Variants in MTMR1 observed in about 807,000 individuals in gnomAD.
The protein encoded by MTMR1 is myotubularin related protein 1.
MTMR1 carries 17 observed loss-of-function variants against 51.6 expected under a neutral mutation model. The observed-to-expected ratio is 0.33, with a 90% CI of 0.23 to 0.49. MTMR1 has a LOEUF of 0.49. Ranked by LOEUF, MTMR1 falls within the 20% of genes least tolerant of loss-of-function variation. The probability of loss-of-function intolerance (pLI) is 0.99; values close to 1 mark genes in which losing one functional copy is unlikely to be tolerated. For missense variants in MTMR1, 386 were observed against 526.9 expected, an observed-to-expected ratio of 0.73 and a Z score of 2.62; for synonymous variants, 201 against 205.6, an observed-to-expected ratio of 0.98 and a Z score of 0.19.
intron 3 of MTMR1, 91 bp downstream of exon 3, chrX:150,712,456 T>C: frequency 1.1e-6 from 1 of 870,126 alleles, no homozygotes; most frequent in East Asian, 3.5e-5. Flanking sequence ...TTCTTTACCT[T>C]CTCACTGGTT....
At chrX:150,755,537 G>A (rs1269628672) in intron 14 of MTMR1, 152 bp from the exon 15 acceptor site, 1 of 423,954 alleles carries the variant, frequency 2.4e-6, no homozygotes, top group Non-Finnish European at 3.9e-6. Context: ...GAGGCCATGA[G>A]TGGGAAGAAG....
rs149714475 is a variant in MTMR1, at chrX:150,759,586, G to C, written c.1858-2979G>C. On this transcript the variant is annotated intron_variant, in intron 15 of 15. Transcript: ENST00000445323. ...TGCTGAACCAGCAGAGAGGGTTAGA[G>C]TGGTGTCCCACAGGGGTGCACCCAG... is the stretch of plus-strand genomic sequence containing the variant. Among the ~76,000 whole-genome samples, 534 of 109,558 alleles carry C rather than the reference G, an allele frequency of 4.9e-3. 10 individuals are homozygous for C. The highest frequency in any genetic ancestry group is 0.016 in the African/African-American group (506 of 30,760).
intron 2 of MTMR1, among the ~76,000 whole-genome samples, chrX:150,704,745 G>A (rs1350974178): frequency 8.9e-6 from 1 of 111,815 alleles, no homozygotes. Context: ...TCTTCTGTTG[G>A]AGCAGTGTCA....
At chrX:150,739,082 T>C (rs1486006651) in intron 12 of MTMR1, among the ~76,000 whole-genome samples, 2 of 112,353 alleles carry the variant, frequency 1.8e-5, no homozygotes, top group Non-Finnish European at 3.8e-5. Context: ...TTTCATTGGC[T>C]TTGGTGTGAG....
At chrX:150,751,910 C>CTTTTTTTTTTTTTTT (rs35937277) in intron 14 of MTMR1, among the ~76,000 whole-genome samples, 1 of 41,622 alleles carries the variant, frequency 2.4e-5, no homozygotes, top group Non-Finnish European at 4.2e-5. Flanking sequence ...CTTTTTCTTT[C>CTTTTTTTTTTTTTTT]TTTTTTTTTT....
intron 12 of MTMR1, among the ~76,000 whole-genome samples, chrX:150,743,559 G>A (rs2042495166): frequency 1.8e-5 from 2 of 111,665 alleles, no homozygotes; most frequent in Admixed American, 1.9e-4. Context: ...TTTCCAGGTG[G>A]CAATTTCATA....
At chrX:150,758,077 T>C (rs2042957937) in intron 15 of MTMR1, among the ~76,000 whole-genome samples, 1 of 111,259 alleles carries the variant, frequency 9.0e-6, no homozygotes, top group Non-Finnish European at 1.9e-5. Flanking sequence ...AATGAACGCA[T>C]GAGTGAATGA....
At chrX:150,749,409 T>C (rs1557417535) in intron 13 of MTMR1, among the ~76,000 whole-genome samples, 1 of 112,796 alleles carries the variant, frequency 8.9e-6, no homozygotes, top group Non-Finnish European at 1.9e-5. Flanking sequence ...CCAACTTAAA[T>C]ACAAGCATGC....
chrX:150,737,228 T>C lies in MTMR1; in HGVS notation c.1267-14T>C. ...TCAATGTAGCCTGGTCTAATGTGCC[T>C]TTTTTTTCTGAAGATGCTGCTTGCT... On this transcript the variant is annotated splice_polypyrimidine_tract_variant and intron_variant, in intron 11 of 15. Transcript: ENST00000445323. 8.4e-7 allele frequency: 1 copy of C among 1,197,495 alleles called. No individual in the cohort carries two copies. Among genetic ancestry groups the C allele is most frequent in the South Asian group, 1.8e-5 (1 of 56,396 alleles).
chrX:150,762,660 C>G lies in MTMR1; in HGVS notation c.1953C>G (p.Ala651=), dbSNP rs782424909. 2 of 1,206,441 alleles carry G rather than the reference C, an allele frequency of 1.7e-6. No homozygotes were observed. Among genetic ancestry groups the G allele is most frequent in the East Asian group, 6.0e-5 (2 of 33,605 alleles). ...TACAGCGGGAGGTGGCCACGCGCGC[C>G]GTCTCATCCTCATCTGAGCGGGGCT... ...EGLQREVATR[A]VSSSSERGSS... The change falls in exon 16 of 16, where the codon GCC becomes GCG. Residue 651 remains alanine, a synonymous_variant. Transcript: ENST00000445323.
At position 150,732,542 on chromosome X, in the gene MTMR1, G is replaced by C. The variant is rs868993041; in HGVS notation, c.892G>C (p.Val298Leu). The change falls in exon 10 of 16, where the codon GTG becomes CTG. Residue 298 changes from valine (V) to leucine (L), a missense_variant and splice_region_variant. By Grantham distance (32) the Val-to-Leu change is conservative (BLOSUM62 1). Coordinates refer to ENST00000445323, the MANE Select transcript of MTMR1 (RefSeq NM_001306144.3). Reference protein sequence around the residue: ...AAFRAKGRVPVLSWIHPESQA... With the variant: ...AAFRAKGRVPLLSWIHPESQA... ...AATATTTATTGCTTAAAAACACTAG[G>C]TGTTGTCATGGATTCATCCGGAAAG... is the stretch of plus-strand genomic sequence containing the variant. The C allele has an allele frequency of 4.2e-6, 5 of 1,202,112 alleles. No homozygotes were observed. The highest frequency in any genetic ancestry group is 5.6e-6 in the Non-Finnish European group (5 of 890,581).
intron 2 of MTMR1, among the ~76,000 whole-genome samples, chrX:150,707,915 A>T (rs2041170937): frequency 8.9e-6 from 1 of 112,276 alleles, no homozygotes; most frequent in Non-Finnish European, 1.9e-5. Flanking sequence ...AATGATACAC[A>T]CAGGCAACTT....
chrX:150,763,087 C>T lies in MTMR1; in HGVS notation c.*358C>T, dbSNP rs924649940. The T allele has an allele frequency of 1.4e-5, 2 of 146,532 alleles. No homozygotes were observed. Among genetic ancestry groups the T allele is most frequent in the Non-Finnish European group, 2.7e-5 (2 of 75,282 alleles). 12.1% of individuals were successfully genotyped at this position (146,532 alleles called of 1,213,427 possible). On this transcript the variant is annotated 3_prime_UTR_variant, in exon 16 of 16. Transcript: ENST00000445323. ...TCACTTCAAGATGCATTGCCAGCCC[C>T]GTGGCTTCCCTCAGCTCTTGGCCAC...
intron 3 of MTMR1, chrX:150,712,797 G>A (rs1013407144): frequency 1.7e-5 from 4 of 231,578 alleles, no homozygotes; most frequent in Non-Finnish European, 2.9e-5. Context: ...AGTCATGTTT[G>A]TGTTTGCATG....
chrX:150,718,088 A>T (rs1015968440), intron 3 of MTMR1, among the ~76,000 whole-genome samples: 4 of 112,401 alleles, frequency 3.6e-5, no homozygotes, highest in African/African-American at 1.3e-4. Context: ...ACACACACAC[A>T]TAGCTGGGCT....
intron 7 of MTMR1, 94 bp downstream of exon 7, chrX:150,730,304 T>C: frequency 1.5e-6 from 1 of 649,280 alleles, no homozygotes; most frequent in Non-Finnish European, 2.2e-6. Context: ...TTTTTTTTTT[T>C]CCTCTCTTTT....
rs781953179 is a variant in MTMR1 at position 150,731,896 on chromosome X, C to G, written c.891+277C>G. On this transcript the variant is annotated intron_variant, in intron 9 of 15. Transcript: ENST00000445323. ...GAGAATGACAAAGGAGTAGCAACAA[C>G]AAGTTATCATGCTATTGTATTACCA... Among the ~76,000 whole-genome samples the G allele has an allele frequency of 1.4e-4, 16 of 112,089 alleles. No individual in the cohort carries two copies. The South Asian group carries it at 1.5e-3, about 10-fold the overall frequency.
chrX:150,711,857 CA>C (rs1378589310), intron 2 of MTMR1, among the ~76,000 whole-genome samples: 1 of 111,850 alleles, frequency 8.9e-6, no homozygotes, highest in Non-Finnish European at 1.9e-5. Flanking sequence ...ACCATCAATG[CA>C]ATATAGCTGA....
intron 9 of MTMR1, among the ~76,000 whole-genome samples, chrX:150,731,992 A>G (rs1335875797): frequency 2.7e-5 from 3 of 111,864 alleles, no homozygotes; most frequent in Non-Finnish European, 5.6e-5. Context: ...GCATGATGCC[A>G]TAGCTGCGTG....
Sources: gnomAD v4.1 joint callset for allele counts (sites outside exome capture counted in the v4.1 genomes callset) on GRCh38, gnomAD v4.1.1 for gene constraint, MANE v1.5 for transcripts, NCBI Gene and HGNC (gene_info 2026-07-23, HGNC 2026-07-21) for gene names.